LRP1B: variants seen among roughly 807,000 people sequenced by gnomAD.
LRP1B encodes LDL receptor related protein 1B, also known as low-density lipoprotein receptor-related protein 1B.
Under a neutral mutation model 556.6 loss-of-function variants are expected in LRP1B, and 217 were observed. The ratio of observed to expected loss-of-function variants is 0.39; its 90% CI spans 0.35 to 0.44. LRP1B has a LOEUF of 0.44. Ranked by LOEUF, LRP1B falls within the 20% of genes least tolerant of loss-of-function variation. The pLI, the probability that LRP1B is intolerant of heterozygous loss-of-function variation, is 1.00. For missense variants in LRP1B, 5,053 were observed against 5,620.8 expected (o/e 0.90, Z 3.23); for synonymous variants, 2,047 against 1,865.8 (o/e 1.10, Z -2.50).
intron 43 of LRP1B, among the ~76,000 whole-genome samples, chr2:140,549,530 A>G (rs1680468460): frequency 6.6e-6 from 1 of 152,204 alleles, no homozygotes; most frequent in Admixed American, 6.5e-5. Flanking sequence ...TATCACTGTC[A>G]TGGAGACGAG....
chr2:141,848,931 A>G (rs768944451), intron 1 of LRP1B, among the ~76,000 whole-genome samples: 7 of 151,512 alleles, frequency 4.6e-5, no homozygotes, highest in Non-Finnish European at 8.9e-5. Context: ...GCACATAGTA[A>G]ATGTTCATTA....
intron 7 of LRP1B, among the ~76,000 whole-genome samples, chr2:141,140,675 G>A (rs1701627864): frequency 6.6e-6 from 1 of 152,098 alleles, no homozygotes; most frequent in Admixed American, 6.6e-5. Context: ...AACCAAACCT[G>A]CTGACACCTT....
At chr2:140,560,602 A>G (rs1680894223) in intron 43 of LRP1B, among the ~76,000 whole-genome samples, 1 of 152,172 alleles carries the variant, frequency 6.6e-6, no homozygotes, top group South Asian at 2.1e-4. Flanking sequence ...AAACTAATAA[A>G]CTGATGCCAG....
chr2:140,672,054 T>A (rs1448408213), intron 41 of LRP1B, among the ~76,000 whole-genome samples: 1 of 152,200 alleles, frequency 6.6e-6, no homozygotes, highest in South Asian at 2.1e-4. Flanking sequence ...GCATGGTCTA[T>A]CCTGGTCCAA....
intron 1 of LRP1B, among the ~76,000 whole-genome samples, chr2:141,958,283 G>T (rs1482123855): frequency 6.6e-6 from 1 of 152,004 alleles, no homozygotes; most frequent in African/African-American, 2.4e-5. Flanking sequence ...CACAGTAAAT[G>T]TGTCATTTGC....
intron 2 of LRP1B, among the ~76,000 whole-genome samples, chr2:141,526,151 C>T (rs922393685): frequency 6.6e-6 from 1 of 151,978 alleles, no homozygotes; most frequent in Admixed American, 6.6e-5. Flanking sequence ...CCTTAGGTTA[C>T]AGAAACGTTG....
chr2:140,634,984 A>C (rs1445530077), intron 41 of LRP1B, among the ~76,000 whole-genome samples: 1 of 152,264 alleles, frequency 6.6e-6, no homozygotes, highest in Middle Eastern at 3.4e-3. Context: ...ATATCAGTCC[A>C]TCAATTGTAA....
chr2:140,549,203 C>T (rs190877409), intron 43 of LRP1B, among the ~76,000 whole-genome samples: 27 of 152,196 alleles, frequency 1.8e-4, no homozygotes, highest in Admixed American at 2.6e-4. Flanking sequence ...CAGGTATTGA[C>T]CCTGAGATTC....
At chr2:140,675,106 CAT>C (rs1247471329) in intron 41 of LRP1B, among the ~76,000 whole-genome samples, 2 of 152,208 alleles carry the variant, frequency 1.3e-5, no homozygotes, top group East Asian at 3.9e-4. Context: ...CCTTTTGACT[CAT>C]GTGTCTCCTT....
chr2:140,283,103 G>A (rs1271233593), intron 84 of LRP1B, among the ~76,000 whole-genome samples: 1 of 151,720 alleles, frequency 6.6e-6, no homozygotes, highest in African/African-American at 2.4e-5. Flanking sequence ...ATGAGTGTCA[G>A]TTTTTCATCT....
At chr2:140,877,297 C>T (rs1368767209) in intron 25 of LRP1B, among the ~76,000 whole-genome samples, 1 of 152,128 alleles carries the variant, frequency 6.6e-6, no homozygotes, top group Non-Finnish European at 1.5e-5. Context: ...TGTTGTTTCT[C>T]TCCCTTCTTC....
At position 140,495,791 on chromosome 2, in the gene LRP1B, A is replaced by C. The variant is rs1688899021; in HGVS notation, c.8851-43T>G. The C allele has an allele frequency of 2.0e-6, 3 of 1,489,180 alleles. No individual in the cohort carries two copies. In the East Asian group the frequency reaches 7.0e-5, roughly 35 times the overall value. 92.2% of individuals were successfully genotyped at this position (1,489,180 alleles called of 1,614,324 possible). ...AGCATAATCAATTCATATCATTGTC[A>C]CTGTCTTTTACTTTTGGATATCTCT... On this transcript the variant is annotated intron_variant, in intron 55 of 90. Coordinates refer to ENST00000389484, the MANE Select transcript of LRP1B (RefSeq NM_018557.3).
chr2:141,507,483 A>C (rs1469957222), intron 2 of LRP1B, among the ~76,000 whole-genome samples: 1 of 152,190 alleles, frequency 6.6e-6, no homozygotes, highest in Non-Finnish European at 1.5e-5. Flanking sequence ...AGGATATCTA[A>C]TATAAATTCC....
intron 84 of LRP1B, among the ~76,000 whole-genome samples, chr2:140,288,274 C>T (rs571769816): frequency 6.6e-6 from 1 of 151,394 alleles, no homozygotes; most frequent in Admixed American, 6.6e-5. Context: ...GAGGTTATAT[C>T]TTTTATATAA....
rs1395376449 is a variant in LRP1B at position 140,883,984 on chromosome 2, C to G, written c.4002G>C (p.Leu1334=). 17 of 1,612,896 alleles carry G rather than the reference C, an allele frequency of 1.1e-5. No homozygotes were observed. Among genetic ancestry groups the G allele is most frequent in the Non-Finnish European group, 1.4e-5 (17 of 1,179,826 alleles). ...SAIEVVVEHG[L]ATPEGLTVDW... ...CGACTGTCAGGCCTTCTGGAGTAGCCAGGCCATGCTCCACAACCACTTCAA... is the reference window on the plus strand; with the variant it reads ...CGACTGTCAGGCCTTCTGGAGTAGCGAGGCCATGCTCCACAACCACTTCAA... The change falls in exon 25 of 91, where the codon CTG becomes CTC. Residue 1334 remains leucine (L), a synonymous_variant. Coordinates refer to ENST00000389484, the MANE Select transcript of LRP1B (RefSeq NM_018557.3).
intron 43 of LRP1B, among the ~76,000 whole-genome samples, chr2:140,578,162 A>G (rs556793319): frequency 1.3e-5 from 2 of 152,302 alleles, no homozygotes; most frequent in Non-Finnish European, 1.5e-5. Flanking sequence ...AAACAACCCA[A>G]TTTTATAGAG....
At chr2:140,901,438 C>A (rs893338124) in intron 23 of LRP1B, among the ~76,000 whole-genome samples, 1 of 151,728 alleles carries the variant, frequency 6.6e-6, no homozygotes, top group South Asian at 2.1e-4. Flanking sequence ...CCCCCTGTGC[C>A]AATGGCCCCA....
chr2:142,077,544 C>T (rs888686064), intron 1 of LRP1B, among the ~76,000 whole-genome samples: 12 of 151,944 alleles, frequency 7.9e-5, no homozygotes, highest in Admixed American at 1.3e-4. Flanking sequence ...AAGAATAGAG[C>T]CTCCATTCAT....
At chr2:141,038,785 C>G (rs565029493) in intron 11 of LRP1B, among the ~76,000 whole-genome samples, 2 of 152,068 alleles carry the variant, frequency 1.3e-5, no homozygotes, top group East Asian at 1.9e-4. Context: ...TGAAGAATTC[C>G]TAAAGGACTT....
Sources: allele counts gnomAD v4.1 joint callset (sites outside exome capture counted in the v4.1 genomes callset), GRCh38; gene constraint gnomAD v4.1.1; transcripts MANE v1.5; gene names NCBI Gene and HGNC (gene_info 2026-07-23, HGNC 2026-07-21).